PDAP1: variants seen among roughly 807,000 people sequenced by gnomAD.
The protein encoded by PDAP1 is 28 kDa heat- and acid-stable phosphoprotein.
Under a neutral mutation model 28.0 loss-of-function variants are expected in PDAP1, and 13 were observed. That is an observed-to-expected ratio of 0.46 (90% confidence interval 0.30 to 0.74). The LOEUF (loss-of-function observed/expected upper bound fraction) is 0.74. PDAP1 is among the 30% of genes least tolerant of loss of function. The pLI is 0.07. For synonymous variants in PDAP1, 77 were observed against 85.1 expected (o/e 0.91, Z 0.52); for missense variants, 150 against 230.0 (o/e 0.65, Z 2.25).
rs537490160 is a variant in PDAP1, at chr7:99,406,584, C to G, written c.14-1631G>C. 11 of 985,358 alleles carry G rather than the reference C, an allele frequency of 1.1e-5. No individual in the cohort carries two copies. In the East Asian group the frequency reaches 1.0e-3, roughly 92 times the overall value. 61.0% of individuals were successfully genotyped at this position (985,358 alleles called of 1,614,324 possible). A position where few individuals can be genotyped will look rare whatever the true frequency, so the allele number is the denominator to read the frequency against. ...AGTCTGACCCTCTTCAGCCAGAACA[C>G]CAGGCTGACCCTTGCTTAAGCCATC... On this transcript the variant is annotated intron_variant, in intron 1 of 5. Transcript: ENST00000350498.
At chr7:99,399,010 G>A (rs1794813256) in intron 4 of PDAP1, among the ~76,000 whole-genome samples, 1 of 152,248 alleles carries the variant, frequency 6.6e-6, no homozygotes, top group Admixed American at 6.5e-5. Context: ...CTGAACTGGA[G>A]TGGATGCCCT....
chr7:99,403,357 T>C, intron 3 of PDAP1, 41 bp downstream of exon 3: 1 of 1,207,044 alleles, frequency 8.3e-7, no homozygotes, highest in Non-Finnish European at 1.2e-6. Flanking sequence ...GTTTGTTGAA[T>C]GAATGAGTCC....
intron 1 of PDAP1, among the ~76,000 whole-genome samples, chr7:99,406,882 C>T (rs912318105): frequency 6.6e-6 from 1 of 152,184 alleles, no homozygotes; most frequent in Non-Finnish European, 1.5e-5. Context: ...CCTAGGTTCC[C>T]AGGGGTGTCT....
At chr7:99,398,804 C>T (rs960638280) in intron 4 of PDAP1, among the ~76,000 whole-genome samples, 7 of 152,200 alleles carry the variant, frequency 4.6e-5, no homozygotes, top group African/African-American at 1.7e-4. Context: ...AGTCTCAGGT[C>T]AACACCACAT....
In PDAP1 at chr7:99,396,268, G is replaced by T. The variant is rs1038309351; in HGVS notation, c.*414C>A. 1.1e-5 allele frequency: 3 copies of T among 271,960 alleles called. No individual in the cohort carries two copies. Among genetic ancestry groups the T allele is most frequent in the Admixed American group, 5.1e-5 (1 of 19,462 alleles). The allele number at this position is 271,960 out of a possible 1,614,324, so 16.8% of individuals were successfully genotyped here. ...AGCCCCTCTCTGAATGAGCACCCAG[G>T]CAACACAGTCCGGGGCTGTGTGTAG... On this transcript the variant is annotated 3_prime_UTR_variant, in exon 6 of 6. Transcript: ENST00000350498.
intron 5 of PDAP1, among the ~76,000 whole-genome samples, chr7:99,397,589 C>T (rs1378990901): frequency 6.6e-6 from 1 of 152,214 alleles, no homozygotes; most frequent in African/African-American, 2.4e-5. Context: ...TGTGACCTCC[C>T]GCTGTTGGGA....
intron 3 of PDAP1, among the ~76,000 whole-genome samples, chr7:99,402,601 G>A (rs1407736233): frequency 6.7e-6 from 1 of 149,060 alleles, no homozygotes; most frequent in African/African-American, 2.5e-5. Flanking sequence ...AAAAAAAAGG[G>A]GGCTGGGCTA....
chr7:99,405,029 T>C, intron 1 of PDAP1, 76 bp from the exon 2 acceptor site: 1 of 1,097,662 alleles, frequency 9.1e-7, no homozygotes. Context: ...TGTGTCCTGC[T>C]TGGAGTACTC....
intron 2 of PDAP1, 76 bp from the exon 3 acceptor site, chr7:99,403,581 A>AG (rs1025194912): frequency 1.1e-6 from 1 of 937,936 alleles, no homozygotes; most frequent in Non-Finnish European, 1.8e-6. Flanking sequence ...ATCACCCCCC[A>AG]GACTGTGGAT....
At position 99,395,422 on chromosome 7, in the gene PDAP1, T is replaced by G. The variant is rs763802158; in HGVS notation, c.*1260A>C. On this transcript the variant is annotated 3_prime_UTR_variant, in exon 6 of 6. Coordinates refer to ENST00000350498, the MANE Select transcript of PDAP1 (RefSeq NM_014891.7). The stretch of plus-strand genomic sequence containing the variant: ...CACCTCACCTCCCAAAGTGCTGGGA[T>G]TACAGGCATGAGCCACCATGCCCGG... 3.9e-5 allele frequency: 6 copies of G among 152,210 alleles called. No individual in the cohort carries two copies. The highest frequency in any genetic ancestry group is 7.3e-5 in the Non-Finnish European group (5 of 68,044). The allele number at this position is 152,210 out of a possible 1,614,324, so 9.4% of individuals were successfully genotyped here.
chr7:99,405,598 G>A (rs1046143148), intron 1 of PDAP1, among the ~76,000 whole-genome samples: 6 of 151,678 alleles, frequency 4.0e-5, no homozygotes, highest in South Asian at 2.1e-4. Flanking sequence ...TCTTGACCTC[G>A]TGATCTGCCC....
chr7:99,398,114 G>T, intron 4 of PDAP1, 101 bp from the exon 5 acceptor site: 1 of 1,320,014 alleles, frequency 7.6e-7, no homozygotes, highest in Non-Finnish European at 1.1e-6. Flanking sequence ...CTAGGGCCGA[G>T]GTGGAAGGGG....
At chr7:99,405,589 CTT>C (rs915970588) in intron 1 of PDAP1, among the ~76,000 whole-genome samples, 12 of 151,894 alleles carry the variant, frequency 7.9e-5, no homozygotes, top group Non-Finnish European at 1.5e-4. Flanking sequence ...GTCTTGATCT[CTT>C]GACCTCGTGA....
At chr7:99,406,193 A>G (rs1224122576) in intron 1 of PDAP1, among the ~76,000 whole-genome samples, 1 of 152,184 alleles carries the variant, frequency 6.6e-6, no homozygotes, top group African/African-American at 2.4e-5. Context: ...AGGTTGCAGT[A>G]GCCGAGATTG....
intron 3 of PDAP1, among the ~76,000 whole-genome samples, chr7:99,402,205 G>C (rs1232879094): frequency 6.9e-6 from 1 of 144,810 alleles, no homozygotes; most frequent in Non-Finnish European, 1.5e-5. Flanking sequence ...CTCCAGCCTG[G>C]GCGACAGAGA....
Position 99,394,674 on chromosome 7 carries a change from T to A in PDAP1, c.*2008A>T. The A allele has an allele frequency of 7.5e-7, 1 of 1,335,948 alleles. No individual in the cohort carries two copies. Among genetic ancestry groups the A allele is most frequent in the African/African-American group, 1.6e-5 (1 of 62,512 alleles). The allele number at this position is 1,335,948 out of a possible 1,614,324, so 82.8% of individuals were successfully genotyped here. A position where few individuals can be genotyped will look rare whatever the true frequency, so the allele number is the denominator to read the frequency against. ...TTACCTATTCAAGGAATACGTGCCT[T>A]TTTCTTAAATGCTTTCATTTATTGA... On this transcript the variant is annotated 3_prime_UTR_variant, in exon 6 of 6. Coordinates refer to ENST00000350498, the MANE Select transcript of PDAP1 (RefSeq NM_014891.7).
chr7:99,402,993 C>G (rs573457794), intron 3 of PDAP1, among the ~76,000 whole-genome samples: 1 of 152,288 alleles, frequency 6.6e-6, no homozygotes, highest in African/African-American at 2.4e-5. Context: ...CGCTCCTTAC[C>G]CACTAACTCA....
chr7:99,396,831 A>C, intron 5 of PDAP1, 91 bp from the exon 6 acceptor site: 3 of 979,206 alleles, frequency 3.1e-6, no homozygotes, highest in Non-Finnish European at 4.7e-6. Context: ...TTTAGGTCTG[A>C]AAGGCTGCAG....
chr7:99,399,469 A>AG (rs1794824211), intron 4 of PDAP1, among the ~76,000 whole-genome samples: 1 of 122 alleles, frequency 8.2e-3, no homozygotes, highest in African/African-American at 0.036. Flanking sequence ...GATGCCCAGA[A>AG]AGGCACAGCC....
Sources: gnomAD v4.1 joint callset for allele counts (sites outside exome capture counted in the v4.1 genomes callset) on GRCh38, gnomAD v4.1.1 for gene constraint, MANE v1.5 for transcripts, NCBI Gene and HGNC (gene_info 2026-07-23, HGNC 2026-07-21) for gene names.